Variants in SYNRG observed in about 807,000 individuals in gnomAD.
SYNRG encodes the protein synergin gamma.
SYNRG carries 37 observed loss-of-function variants against 130.9 expected under a neutral mutation model. The observed-to-expected ratio is 0.28, with a 90% CI of 0.22 to 0.37. SYNRG has a LOEUF of 0.37. Ranked by LOEUF, SYNRG falls within the 10% of genes least tolerant of loss-of-function variation. SYNRG has a pLI of 1.00. For missense variants in SYNRG, 1,338 were observed against 1,588.9 expected, an observed-to-expected ratio of 0.84 and a Z score of 2.68; for synonymous variants, 539 against 568.1, an observed-to-expected ratio of 0.95 and a Z score of 0.73.
In SYNRG at chr17:37,606,009, C is replaced by A. The variant is rs191588090; in HGVS notation, c.77+3270G>T. 2.4e-4 allele frequency: 239 copies of A among 985,160 alleles called. No homozygotes were observed. In the African/African-American group the frequency reaches 2.8e-3, roughly 12 times the overall value. The allele number at this position is 985,160 out of a possible 1,614,324, so 61.0% of individuals were successfully genotyped here. ...CATCTTTCTAAATGATGGACCATTACGCAATAATTAAATGGTCCTTTAGCA... is the reference window on the plus strand; with the variant it reads ...CATCTTTCTAAATGATGGACCATTAAGCAATAATTAAATGGTCCTTTAGCA... On this transcript the variant is annotated intron_variant, in intron 1 of 21. Coordinates refer to ENST00000612223, the MANE Select transcript of SYNRG (RefSeq NM_007247.6).
intron 13 of SYNRG, among the ~76,000 whole-genome samples, chr17:37,557,812 C>T (rs993136198): frequency 6.6e-6 from 1 of 151,796 alleles, no homozygotes; most frequent in Non-Finnish European, 1.5e-5. Flanking sequence ...CGCCACTGCA[C>T]TCCAGGCTGG....
intron 19 of SYNRG, chr17:37,529,852 C>G: frequency 6.4e-7 from 1 of 1,551,444 alleles, no homozygotes. Flanking sequence ...CCCAGCAGCA[C>G]TAGGAGAGAA....
chr17:37,536,907 T>C, intron 18 of SYNRG: 1 of 152,258 alleles, frequency 6.6e-6, no homozygotes, highest in Non-Finnish European at 1.5e-5. Flanking sequence ...AAGTGAACAC[T>C]GGAGGAATTC....
chr17:37,605,759 G>C (rs978478632), intron 1 of SYNRG: 96 of 965,412 alleles, frequency 9.9e-5, no homozygotes, highest in Non-Finnish European at 1.1e-4. Context: ...TAATTTCAAA[G>C]GTAAAACCAC....
intron 14 of SYNRG, among the ~76,000 whole-genome samples, chr17:37,545,092 G>A (rs1161746665): frequency 6.6e-6 from 1 of 151,942 alleles, no homozygotes; most frequent in Non-Finnish European, 1.5e-5. Context: ...GGTGGTGCAT[G>A]CCTGTAATTC....
rs755152506 is a variant in SYNRG at position 37,576,439 on chromosome 17, A to G, written c.824-21T>C. ...CACACCTAGAAGGTAAGAAACATTA[A>G]TGTATATAGTGGTCCATGGAGAAGA... On this transcript the variant is annotated intron_variant, in intron 7 of 21. Coordinates refer to ENST00000612223, the MANE Select transcript of SYNRG (RefSeq NM_007247.6). The G allele has an allele frequency of 2.5e-5, 41 of 1,609,814 alleles. No homozygotes were observed. The Admixed American group carries it at 6.7e-4, about 26-fold the overall frequency.
At chr17:37,579,700 C>CATAAAAATAA (rs979028784) in intron 6 of SYNRG, among the ~76,000 whole-genome samples, 1 of 152,076 alleles carries the variant, frequency 6.6e-6, no homozygotes, top group African/African-American at 2.4e-5. Context: ...ACTAAAAATA[C>CATAAAAATAA]ATGTATCTAT....
intron 7 of SYNRG, among the ~76,000 whole-genome samples, chr17:37,576,856 A>G (rs2060876928): frequency 6.6e-6 from 1 of 152,196 alleles, no homozygotes; most frequent in Non-Finnish European, 1.5e-5. Context: ...TCTTAAATAT[A>G]TAGGACTTTT....
In SYNRG at chr17:37,553,312, T is replaced by C. The variant is rs761889920; in HGVS notation, c.2411A>G (p.Lys804Arg). The C allele has an allele frequency of 6.2e-7, 1 of 1,614,136 alleles. No individual in the cohort carries two copies. Among genetic ancestry groups the C allele is most frequent in the African/African-American group, 1.3e-5 (1 of 75,034 alleles). The change falls in exon 14 of 22, where the codon AAA (lysine) becomes AGA (arginine). Residue 804 changes from lysine (K) to arginine (R), a missense_variant. Physicochemically the swap from Lys to Arg is conservative, Grantham distance 26. This residue lies in a region of SYNRG where 1,146 missense variants were observed against 1,342.3 expected (regional missense o/e 0.85). Transcript: ENST00000612223. ...GEKAVAFRHT[K>R]EDSASVKSLD... ...GGACTTCACTGATGCAGAGTCTTCT[T>C]TGGTGTGTCTGAAAGCCACTGCTTT...
At chr17:37,523,288 A>T (rs565533360) in intron 19 of SYNRG, among the ~76,000 whole-genome samples, 1 of 152,068 alleles carries the variant, frequency 6.6e-6, no homozygotes, top group African/African-American at 2.4e-5. Flanking sequence ...CAGCCTCCTG[A>T]GTAGCTGGGA....
intron 13 of SYNRG, among the ~76,000 whole-genome samples, chr17:37,558,942 C>T (rs1209318300): frequency 6.6e-6 from 1 of 152,116 alleles, no homozygotes; most frequent in East Asian, 1.9e-4. Flanking sequence ...TCGGTTGAGT[C>T]CTGCTTACTC....
At chr17:37,609,162 C>T (rs1381282795) in intron 1 of SYNRG, 117 bp downstream of exon 1, 1 of 1,176,932 alleles carries the variant, frequency 8.5e-7, no homozygotes, top group Non-Finnish European at 1.1e-6. Context: ...TGACCCTCCT[C>T]CCGCAGCCCA....
chr17:37,608,888 T>C (rs1009098293), intron 1 of SYNRG, among the ~76,000 whole-genome samples: 1 of 152,060 alleles, frequency 6.6e-6, no homozygotes, highest in South Asian at 2.1e-4. Context: ...CCCTCCAACA[T>C]ATCCGGTTAA....
chr17:37,542,171 C>T lies in SYNRG; in HGVS notation c.3003G>A (p.Glu1001=), dbSNP rs1598213246. ...QDLPTAERSQ[E]ATCPSPASSG... The stretch of plus-strand genomic sequence containing the variant: ...TGGACGCTGGGCTGGGACACGTGGC[C>T]TCCTGGCTCCGTTCAGCCGTAGGCA... Residue 1001 remains glutamate (E), a synonymous_variant, in exon 15 of 22, where the codon GAG becomes GAA. Transcript: ENST00000612223. The T allele has an allele frequency of 6.2e-7, 1 of 1,614,230 alleles. No individual in the cohort carries two copies. Among genetic ancestry groups the T allele is most frequent in the Admixed American group, 1.7e-5 (1 of 60,028 alleles).
chr17:37,525,535 A>G (rs1353686622), intron 19 of SYNRG, among the ~76,000 whole-genome samples: 2 of 152,212 alleles, frequency 1.3e-5, no homozygotes, highest in African/African-American at 2.4e-5. Context: ...ATAACTAAGC[A>G]AAAGTCACAC....
rs141187491 is a variant in SYNRG at position 37,553,555 on chromosome 17, G to A, written c.2168C>T (p.Pro723Leu). 1.9e-6 allele frequency: 3 copies of A among 1,614,202 alleles called. No individual in the cohort carries two copies. The highest frequency in any genetic ancestry group is 1.3e-5 in the African/African-American group (1 of 75,044). Residue 723 changes from proline to leucine, a missense_variant, in exon 14 of 22, where the codon CCT becomes CTT. Pro to Leu is a moderately conservative substitution (Grantham distance 98, BLOSUM62 -3). This residue lies in a region of SYNRG where 1,146 missense variants were observed against 1,342.3 expected (regional missense o/e 0.85). Transcript: ENST00000612223. ...TGTGCTGCCCACGTTGCTGGTTAGA[G>A]GAACAGGACTGGCTTCCTCTTTAAG... ...DALKEEASPVPLTSNVGSTVK... is the reference protein window; with the variant it reads ...DALKEEASPVLLTSNVGSTVK...
intron 6 of SYNRG, 82 bp from the exon 7 acceptor site, chr17:37,577,695 C>CTTT (rs34008016): frequency 6.0e-4 from 352 of 584,048 alleles, no homozygotes; most frequent in African/African-American, 3.6e-3. Flanking sequence ...CCCCCATATT[C>CTTT]TTTTTTTTTT....
intron 19 of SYNRG, among the ~76,000 whole-genome samples, chr17:37,528,274 C>A (rs1186012623): frequency 2.0e-5 from 3 of 152,184 alleles, no homozygotes; most frequent in Non-Finnish European, 4.4e-5. Context: ...CTGCCACTCT[C>A]TTCTTCTGTC....
At chr17:37,519,194 C>T in intron 21 of SYNRG, 123 bp from the exon 22 acceptor site, 1 of 1,291,228 alleles carries the variant, frequency 7.7e-7, no homozygotes, top group Non-Finnish European at 1.1e-6. Flanking sequence ...ATGGCACACA[C>T]ATAAAAGCTG....
Sources: gnomAD v4.1 joint callset for allele counts (sites outside exome capture counted in the v4.1 genomes callset) on GRCh38, gnomAD v4.1.1 for gene constraint, gnomAD v4.1.1 regional missense constraint, MANE v1.5 for transcripts, NCBI Gene and HGNC (gene_info 2026-07-23, HGNC 2026-07-21) for gene names.